The following ELMO3 variants were observed in gnomAD, a reference collection of about 807,000 sequenced individuals.
The protein encoded by ELMO3 is engulfment and cell motility protein 3.
ELMO3 carries 81 observed loss-of-function variants against 89.0 expected under a neutral mutation model. The observed-to-expected ratio is 0.91, with a 90% CI of 0.76 to 1.09. ELMO3 has a LOEUF of 1.09. ELMO3 is among the 50% of genes least tolerant of loss of function. ELMO3 has a pLI of 0.00. For missense variants in ELMO3, 959 were observed against 972.8 expected (o/e 0.99, Z 0.19); for synonymous variants, 406 against 400.6 (o/e 1.01, Z -0.16).
In ELMO3 at chr16:67,203,478, CG is replaced by C; in HGVS notation, c.1864-18del. The C allele has an allele frequency of 6.2e-7, 1 of 1,613,718 alleles. No individual in the cohort carries two copies. Among genetic ancestry groups the C allele is most frequent in the Non-Finnish European group, 8.5e-7 (1 of 1,179,834 alleles). On this transcript the variant is annotated intron_variant, in intron 18 of 19. Coordinates refer to ENST00000393997, the MANE Select transcript of ELMO3 (RefSeq NM_024712.5). This position sits in a 1 kb window ranked among gnomAD's most constrained non-coding sequence, Gnocchi z 4.6. ...TACCCTGTCCCCTGCTCAGTGTCCCCGCTCCCTTGCTTCCCCAGGACCTCTA... is the reference window on the plus strand; with the variant it reads ...TACCCTGTCCCCTGCTCAGTGTCCCCCTCCCTTGCTTCCCCAGGACCTCTA...
Position 67,200,645 on chromosome 16 carries a change from C to T in ELMO3, c.514-12C>T, listed in dbSNP as rs773180203. 1.3e-5 allele frequency: 21 copies of T among 1,610,756 alleles called. No individual in the cohort carries two copies. The highest frequency in any genetic ancestry group is 3.3e-4 in the Middle Eastern group (2 of 6,076). On this transcript the variant is annotated splice_polypyrimidine_tract_variant and intron_variant, in intron 6 of 19. Coordinates refer to ENST00000393997, the MANE Select transcript of ELMO3 (RefSeq NM_024712.5). Reference sequence around the variant, plus strand: ...CATGGGGGTGAGGTGGTGACACCCCCGCCCCTTACAGGTGGTGTGCTACGT... The same window carrying T: ...CATGGGGGTGAGGTGGTGACACCCCTGCCCCTTACAGGTGGTGTGCTACGT...
rs778386636 is a variant in ELMO3 at position 67,200,698 on chromosome 16, GCCTCCCC to G, written c.556_562del (p.Pro186TrpfsTer9). On this transcript the variant is annotated frameshift_variant, in exon 7 of 20. Transcript: ENST00000393997. LOFTEE classifies it high-confidence loss of function. ...ACATGAACCTCATGGATGCCTCCGT[GCCTCCCC>G]TGGCCCTTGGGCTGCTGGAGAGTGT... The G allele has an allele frequency of 3.7e-6, 6 of 1,613,420 alleles. No homozygotes were observed. In the Admixed American group the frequency reaches 5.0e-5, roughly 13 times the overall value.
chr16:67,200,223 T>C lies in ELMO3; in HGVS notation c.275T>C (p.Leu92Pro). 1.9e-6 allele frequency: 3 copies of C among 1,613,570 alleles called. No individual in the cohort carries two copies. Among genetic ancestry groups the C allele is most frequent in the Non-Finnish European group, 1.7e-6 (2 of 1,179,912 alleles). ...GAGGCTGAGCAGCTCTTGGGTGGGCTGCAGAGTAACAGTCCTGAAGGGCGC... is the reference window on the plus strand; with the variant it reads ...GAGGCTGAGCAGCTCTTGGGTGGGCCGCAGAGTAACAGTCCTGAAGGGCGC... ...DLEAEQLLGGLQSNSPEGRRE... is the reference protein window; with the variant it reads ...DLEAEQLLGGPQSNSPEGRRE... The change falls in exon 5 of 20, where the codon CTG becomes CCG. Residue 92 changes from leucine to proline, a missense_variant. Transcript: ENST00000393997.
In ELMO3 at chr16:67,203,039, A is replaced by G. The variant is rs1187378804; in HGVS notation, c.1675+35A>G. On this transcript the variant is annotated intron_variant, in intron 16 of 19. Coordinates refer to ENST00000393997, the MANE Select transcript of ELMO3 (RefSeq NM_024712.5). This position sits in a 1 kb window ranked among gnomAD's most constrained non-coding sequence, Gnocchi z 4.6. ...TGGGCATGGGCAGGGGGCAGAGGGC[A>G]GGCAGAGGGCAGGCAGAGGGCGGCT... 8.8e-6 allele frequency: 14 copies of G among 1,593,894 alleles called. No individual in the cohort carries two copies. Among genetic ancestry groups the G allele is most frequent in the East Asian group, 2.5e-5 (1 of 40,068 alleles).
rs185614573 is a variant in ELMO3, at chr16:67,202,228, G to A, written c.1205G>A (p.Arg402Gln). 67 of 1,605,218 alleles carry A rather than the reference G, an allele frequency of 4.2e-5. No individual in the cohort carries two copies. In the East Asian group the frequency reaches 8.9e-4, roughly 21 times the overall value. The change falls in exon 13 of 20, where the codon CGG (arginine) becomes CAG (glutamine). Residue 402 changes from arginine (R) to glutamine (Q), a missense_variant. Coordinates refer to ENST00000393997, the MANE Select transcript of ELMO3 (RefSeq NM_024712.5). Reference protein sequence around the residue: ...REDKHECPFARGSIQLTVLLC... With the variant: ...REDKHECPFAQGSIQLTVLLC... ...GACAAGCACGAGTGCCCCTTTGCCC[G>A]GGGCAGCATCCAGCTGACGGTGCTG...
rs190999749 is a variant in ELMO3 at position 67,200,874 on chromosome 16, C to G, written c.666-16C>G. 1,083 of 1,613,684 alleles carry G rather than the reference C, an allele frequency of 6.7e-4. 2 individuals are homozygous for G. The highest frequency in any genetic ancestry group is 8.8e-4 in the Non-Finnish European group (1,038 of 1,179,888). On this transcript the variant is annotated splice_polypyrimidine_tract_variant and intron_variant, in intron 7 of 19. Coordinates refer to ENST00000393997, the MANE Select transcript of ELMO3 (RefSeq NM_024712.5). ...CTGGAGCCTGAATGTTCCACTGAGC[C>G]CTCTTCTTGCCATAGGATGAACCAG... is the stretch of plus-strand genomic sequence containing the variant.
chr16:67,200,073 A>AGGCCCCCGCCCCAGC, intron 4 of ELMO3, 72 bp downstream of exon 4: 1 of 1,097,934 alleles, frequency 9.1e-7, no homozygotes, highest in Non-Finnish European at 1.3e-6. Context: ...CCCGCCCCGG[A>AGGCCCCCGCCCCAGC]GGCCCCCGCC....
In ELMO3 at chr16:67,202,088, A is replaced by G; in HGVS notation, c.1152+10A>G. ...CAGCGCGTACAGCCGGGTCGGTGAC[A>G]GGGTAGGGTGGGGGGGTGGCAGCAT... On this transcript the variant is annotated intron_variant, in intron 12 of 19. Coordinates refer to ENST00000393997, the MANE Select transcript of ELMO3 (RefSeq NM_024712.5). The G allele has an allele frequency of 1.7e-6, 1 of 600,482 alleles. No individual in the cohort carries two copies. Among genetic ancestry groups the G allele is most frequent in the Non-Finnish European group, 3.1e-6 (1 of 325,636 alleles). The allele number at this position is 600,482 out of a possible 1,614,324, so 37.2% of individuals were successfully genotyped here.
Position 67,203,066 on chromosome 16 carries a change from G to A in ELMO3, c.1676-53G>A. On this transcript the variant is annotated intron_variant, in intron 16 of 19. Transcript: ENST00000393997. The surrounding 1 kb of genome is among the most constrained non-coding windows in gnomAD (Gnocchi z 4.6). ...GCAGAGGGCAGGCAGAGGGCGGCTG[G>A]CTTGGTGTCAGGACCTCTCAGCACT... 6.3e-7 allele frequency: 1 copy of A among 1,596,126 alleles called. No individual in the cohort carries two copies. Among genetic ancestry groups the A allele is most frequent in the Non-Finnish European group, 8.5e-7 (1 of 1,173,130 alleles).
At position 67,200,660 on chromosome 16, in the gene ELMO3, G is replaced by T; in HGVS notation, c.517G>T (p.Val173Leu). Residue 173 changes from valine (V) to leucine (L), a missense_variant, in exon 7 of 20, where the codon GTG becomes TTG. Coordinates refer to ENST00000393997, the MANE Select transcript of ELMO3 (RefSeq NM_024712.5). ...TLSIPFVRKV[V>L]CYVNMNLMDA... ...GTGACACCCCCGCCCCTTACAGGTGGTGTGCTACGTGAACATGAACCTCAT... is the reference window on the plus strand; with the variant it reads ...GTGACACCCCCGCCCCTTACAGGTGTTGTGCTACGTGAACATGAACCTCAT... The T allele has an allele frequency of 6.2e-7, 1 of 1,612,610 alleles. No individual in the cohort carries two copies. The highest frequency in any genetic ancestry group is 8.5e-7 in the Non-Finnish European group (1 of 1,179,388).
At position 67,203,667 on chromosome 16, in the gene ELMO3, C is replaced by T; in HGVS notation, c.1953C>T (p.Phe651=). The T allele has an allele frequency of 2.5e-6, 4 of 1,613,736 alleles. No individual in the cohort carries two copies. The highest frequency in any genetic ancestry group is 3.4e-6 in the Non-Finnish European group (4 of 1,179,890). ...LNFIAPSKRE[F]YLWTDGLSAL... Reference sequence around the variant, plus strand: ...TCACGGCTCTGTGCCACCCCCAGTTCTACCTGTGGACAGATGGGCTCAGTG... The same window carrying T: ...TCACGGCTCTGTGCCACCCCCAGTTTTACCTGTGGACAGATGGGCTCAGTG... Residue 651 remains phenylalanine, a splice_region_variant and synonymous_variant, in exon 20 of 20, where the codon TTC becomes TTT. Transcript: ENST00000393997. The surrounding 1 kb of genome is among the most constrained non-coding windows in gnomAD (Gnocchi z 4.6).
In ELMO3 at chr16:67,201,413, A is replaced by G. The variant is rs762100224; in HGVS notation, c.773A>G (p.Asn258Ser). Residue 258 changes from asparagine to serine, a missense_variant, in exon 9 of 20, where the codon AAC (asparagine) becomes AGC (serine). Transcript: ENST00000393997. ...KHMLDYLWQR[N>S]LRQFIYKNII... is the part of the protein sequence containing the mutation. ...ATGCTTGACTATCTTTGGCAGAGGAACCTTCGCCAGTTCATCTATAAGGTA... is the reference window on the plus strand; with the variant it reads ...ATGCTTGACTATCTTTGGCAGAGGAGCCTTCGCCAGTTCATCTATAAGGTA... 1.1e-5 allele frequency: 18 copies of G among 1,613,640 alleles called. No individual in the cohort carries two copies. The highest frequency in any genetic ancestry group is 1.4e-5 in the Non-Finnish European group (17 of 1,179,930).
In ELMO3 at chr16:67,202,045, C is replaced by T; in HGVS notation, c.1119C>T (p.Tyr373=). 1.9e-6 allele frequency: 3 copies of T among 1,593,690 alleles called. No homozygotes were observed. The highest frequency in any genetic ancestry group is 1.7e-5 in the Admixed American group (1 of 59,370). The change falls in exon 12 of 20, where the codon TAC becomes TAT. Residue 373 remains tyrosine, a synonymous_variant. Transcript: ENST00000393997. ...PGLLALDNML[Y]FSRNAPSAYS... ...TGCTGGCCCTGGACAACATGTTGTA[C>T]TTCTCCAGAAACGCGCCCAGCGCGT...
rs1455312388 is a variant in ELMO3 at position 67,203,681 on chromosome 16, A to AT, written c.1968dup (p.Gly657TrpfsTer58). 6.2e-7 allele frequency: 1 copy of AT among 1,613,728 alleles called. No homozygotes were observed. Among genetic ancestry groups the AT allele is most frequent in the African/African-American group, 1.3e-5 (1 of 75,032 alleles). ...CACCCCCAGTTCTACCTGTGGACAG[A>AT]TGGGCTCAGTGCCTTGCTGGGCAGT... On this transcript the variant is annotated frameshift_variant, in exon 20 of 20. Transcript: ENST00000393997. LOFTEE classifies it high-confidence loss of function. The surrounding 1 kb of genome is among the most constrained non-coding windows in gnomAD (Gnocchi z 4.6).
At position 67,199,773 on chromosome 16, in the gene ELMO3, C is replaced by T; in HGVS notation, c.192+17C>T. 6.2e-7 allele frequency: 1 copy of T among 1,609,890 alleles called. No individual in the cohort carries two copies. The highest frequency in any genetic ancestry group is 1.3e-5 in the African/African-American group (1 of 74,920). ...ACCGAGAATGTGAGTCCCCTCTCCC[C>T]AGCCCCAAGCTCGGCCTTCCGACCC... On this transcript the variant is annotated intron_variant, in intron 3 of 19. Coordinates refer to ENST00000393997, the MANE Select transcript of ELMO3 (RefSeq NM_024712.5).
In ELMO3 at chr16:67,199,874, C is replaced by T. The variant is rs2033057709; in HGVS notation, c.193-77C>T. 38 of 1,608,818 alleles carry T rather than the reference C, an allele frequency of 2.4e-5. No homozygotes were observed. The South Asian group carries it at 2.5e-4, about 11-fold the overall frequency. On this transcript the variant is annotated intron_variant, in intron 3 of 19. Coordinates refer to ENST00000393997, the MANE Select transcript of ELMO3 (RefSeq NM_024712.5). ...GCGCGATCTGTTATTCACCCCCAGC[C>T]GCCCTCACCGACACCCCAGTTGATC...
At position 67,199,358 on chromosome 16, in the gene ELMO3, C is replaced by T; in HGVS notation, c.32C>T (p.Ala11Val). The change falls in exon 1 of 20, where the codon GCC (alanine) becomes GTC (valine). Residue 11 changes from alanine to valine, a missense_variant. By Grantham distance (64) the Ala-to-Val change is moderately conservative (BLOSUM62 0). Transcript: ENST00000393997. Reference protein sequence around the residue: MAPPRNVVKIAIKMRDAIPQL... With the variant: MAPPRNVVKIVIKMRDAIPQL... Reference sequence around the variant, plus strand: ...CCTCCGCGGAACGTGGTGAAGATTGCCATCAAGATGCGTGACGCCATCCCG... The same window carrying T: ...CCTCCGCGGAACGTGGTGAAGATTGTCATCAAGATGCGTGACGCCATCCCG... 6.2e-7 allele frequency: 1 copy of T among 1,610,434 alleles called. No individual in the cohort carries two copies.
intron 4 of ELMO3, 33 bp downstream of exon 4, chr16:67,200,034 C>G: frequency 6.2e-7 from 1 of 1,611,194 alleles, no homozygotes; most frequent in Non-Finnish European, 8.5e-7. Context: ...TTCCCCATCC[C>G]TGCCCCTTTG....
Position 67,200,232 on chromosome 16 carries a change from A to G in ELMO3, c.284A>G (p.Asn95Ser). ...CAGCTCTTGGGTGGGCTGCAGAGTA[A>G]CAGTCCTGAAGGGCGCCGGGAAGCC... ...AEQLLGGLQS[N>S]SPEGRREALR... is the part of the protein sequence containing the mutation. Residue 95 changes from asparagine (N) to serine (S), a missense_variant, in exon 5 of 20, where the codon AAC (asparagine) becomes AGC (serine). Transcript: ENST00000393997. 6.2e-7 allele frequency: 1 copy of G among 1,612,944 alleles called. No homozygotes were observed. The highest frequency in any genetic ancestry group is 8.5e-7 in the Non-Finnish European group (1 of 1,179,328).
Sources: gnomAD v4.1 joint callset for allele counts on GRCh38, gnomAD v4.1.1 for gene constraint, Gnocchi (gnomAD v3.1) non-coding constraint, MANE v1.5 for transcripts, NCBI Gene and HGNC (gene_info 2026-07-23, HGNC 2026-07-21) for gene names.